The following IDO2 variants were observed in gnomAD, a reference collection of about 807,000 sequenced individuals.
The protein encoded by IDO2 is indoleamine 2,3-dioxygenase-like 1 protein.
Under a neutral mutation model 45.1 loss-of-function variants are expected in IDO2, and 46 were observed. The ratio of observed to expected loss-of-function variants is 1.02; its 90% CI spans 0.80 to 1.30. IDO2 has a LOEUF of 1.30. Ranked by LOEUF, IDO2 falls within the 50% of genes most tolerant of loss-of-function variation. The pLI is 0.00. For synonymous variants in IDO2, 218 were observed against 184.9 expected (o/e 1.18, Z -1.45); for missense variants, 544 against 491.8 (o/e 1.11, Z -1.00).
At chr8:39,952,110 C>A (rs1807822383) in intron 2 of IDO2, among the ~76,000 whole-genome samples, 1 of 152,172 alleles carries the variant, frequency 6.6e-6, no homozygotes, top group Non-Finnish European at 1.5e-5. Context: ...TCAACTGCTC[C>A]CTTTCTGGGA....
intron 2 of IDO2, among the ~76,000 whole-genome samples, chr8:39,949,872 T>C (rs992441358): frequency 1.3e-5 from 2 of 152,210 alleles, no homozygotes; most frequent in African/African-American, 2.4e-5. Context: ...TAAATCTTTG[T>C]GGCAATTTCT....
intron 2 of IDO2, among the ~76,000 whole-genome samples, chr8:39,951,426 C>A (rs544679502): frequency 6.6e-6 from 1 of 152,140 alleles, no homozygotes; most frequent in Admixed American, 6.5e-5. Flanking sequence ...ACTGGATGGA[C>A]GCCTGACATG....
At chr8:39,946,636 G>A (rs535215677) in intron 1 of IDO2, among the ~76,000 whole-genome samples, 2 of 151,860 alleles carry the variant, frequency 1.3e-5, no homozygotes, top group East Asian at 3.9e-4. Context: ...AATAACCTCC[G>A]CTCCCTGAAT....
At chr8:39,945,274 T>C (rs980570478) in intron 1 of IDO2, among the ~76,000 whole-genome samples, 10 of 152,210 alleles carry the variant, frequency 6.6e-5, no homozygotes, top group African/African-American at 2.4e-4. Context: ...TTCAATAGGC[T>C]ATAGGAGGAG....
At chr8:39,944,375 C>A (rs1273619257) in intron 1 of IDO2, among the ~76,000 whole-genome samples, 1 of 152,172 alleles carries the variant, frequency 6.6e-6, no homozygotes, top group Admixed American at 6.5e-5. Context: ...AATGCCCAAC[C>A]TTGTTTTTAC....
chr8:39,946,820 G>C (rs1333135627), intron 1 of IDO2, among the ~76,000 whole-genome samples: 3 of 151,710 alleles, frequency 2.0e-5, no homozygotes. Flanking sequence ...CACTTCATAA[G>C]TGAAATCACT....
intron 2 of IDO2, among the ~76,000 whole-genome samples, chr8:39,953,675 G>C (rs1023824929): frequency 6.6e-6 from 1 of 152,072 alleles, no homozygotes; most frequent in African/African-American, 2.4e-5. Flanking sequence ...CGATTCTCCT[G>C]CCTCAGCCTC....
intron 3 of IDO2, among the ~76,000 whole-genome samples, chr8:39,977,513 C>T (rs1210780700): frequency 6.6e-6 from 1 of 152,142 alleles, no homozygotes; most frequent in Non-Finnish European, 1.5e-5. Flanking sequence ...GACCCCCATC[C>T]CTACAAACAA....
At chr8:39,943,851 T>C (rs1807689672) in intron 1 of IDO2, among the ~76,000 whole-genome samples, 2 of 151,590 alleles carry the variant, frequency 1.3e-5, no homozygotes, top group South Asian at 4.2e-4. Flanking sequence ...CTCTCACCAC[T>C]CTTACTCAAC....
chr8:39,982,287 CCTAT>C (rs998610414), intron 4 of IDO2, among the ~76,000 whole-genome samples: 25 of 151,088 alleles, frequency 1.7e-4, no homozygotes, highest in East Asian at 5.8e-4. Context: ...CATCTACTTA[CCTAT>C]CTATCAAAAT....
Position 39,981,422 on chromosome 8 carries a change from C to A in IDO2, c.316-1230C>A, listed in dbSNP as rs529307688. Among the ~76,000 whole-genome samples the A allele has an allele frequency of 6.6e-5, 10 of 152,234 alleles. 1 individual carries two copies. In the South Asian group the frequency reaches 2.1e-3, roughly 32 times the overall value. On this transcript the variant is annotated intron_variant, in intron 4 of 10. Transcript: ENST00000502986. ...AAGTCTAGGCACGTCCCAGTGGGTCCTCTTTATACCATCCCCTCTGCAAAC... is the reference window on the plus strand; with the variant it reads ...AAGTCTAGGCACGTCCCAGTGGGTCATCTTTATACCATCCCCTCTGCAAAC...
At chr8:39,987,698 C>T in intron 6 of IDO2, 173 bp from the exon 7 acceptor site, 2 of 554,424 alleles carry the variant, frequency 3.6e-6, no homozygotes, top group Non-Finnish European at 6.5e-6. Context: ...GTTCTCTTTC[C>T]TCCCTGAATG....
chr8:39,941,475 G>A (rs1222319300), intron 1 of IDO2, among the ~76,000 whole-genome samples: 1 of 152,074 alleles, frequency 6.6e-6, no homozygotes, highest in Non-Finnish European at 1.5e-5. Flanking sequence ...ATAATGCCAG[G>A]CCAAGAAAAT....
chr8:39,980,255 C>T (rs1294691508), intron 4 of IDO2, among the ~76,000 whole-genome samples: 1 of 152,176 alleles, frequency 6.6e-6, no homozygotes, highest in African/African-American at 2.4e-5. Context: ...CTGAAAAGCA[C>T]AGACACTTAT....
At chr8:40,016,274 T>G (rs1802386577) in exon 11 of IDO2, 1 of 398,174 alleles carries the variant, frequency 2.5e-6, no homozygotes, top group South Asian at 1.3e-4. Context: ...CTCTTCTTAC[T>G]CTGAAAATCT....
intron 8 of IDO2, among the ~76,000 whole-genome samples, chr8:39,995,890 T>G (rs1394510133): frequency 6.6e-6 from 1 of 152,162 alleles, no homozygotes; most frequent in Non-Finnish European, 1.5e-5. Context: ...CGCCCGCGTC[T>G]GGGAAGATGC....
At chr8:39,979,235 C>T in intron 4 of IDO2, 49 bp downstream of exon 4, 4 of 1,551,150 alleles carry the variant, frequency 2.6e-6, no homozygotes, top group Non-Finnish European at 3.5e-6. Flanking sequence ...GTTACCTGCG[C>T]CTGGAGTAAC....
intron 10 of IDO2, among the ~76,000 whole-genome samples, chr8:40,014,253 T>A (rs941409893): frequency 6.6e-6 from 1 of 152,208 alleles, no homozygotes; most frequent in Non-Finnish European, 1.5e-5. Flanking sequence ...CAAGTTGGAT[T>A]AGAAGAAAAA....
chr8:39,997,522 A>T (rs1224147965), intron 8 of IDO2, among the ~76,000 whole-genome samples: 1 of 152,052 alleles, frequency 6.6e-6, no homozygotes, highest in Non-Finnish European at 1.5e-5. Context: ...AAATACAAAA[A>T]TTAGATGGTA....
Sources: gnomAD v4.1 joint callset for allele counts (sites outside exome capture counted in the v4.1 genomes callset) on GRCh38, gnomAD v4.1.1 for gene constraint, MANE v1.5 for transcripts, NCBI Gene and HGNC (gene_info 2026-07-23, HGNC 2026-07-21) for gene names.